Variants in ACTR3B observed in about 807,000 individuals in gnomAD.
ACTR3B encodes actin related protein 3B, also known as actin-related protein 3B.
A neutral mutation model predicts 59.0 loss-of-function variants in ACTR3B; 8 were observed. The observed-to-expected ratio is 0.14, with a 90% CI of 0.08 to 0.24. ACTR3B has a LOEUF of 0.24. Among genes scored for constraint, ACTR3B ranks in the 10% least tolerant of loss-of-function variants. The pLI, the probability that ACTR3B is intolerant of heterozygous loss-of-function variation, is 1.00. For synonymous variants in ACTR3B, 148 were observed against 197.9 expected (o/e 0.75, Z 2.12); for missense variants, 245 against 552.3 (o/e 0.44, Z 5.58).
rs1485902619 is a variant in ACTR3B, at chr7:152,814,252, G to C, written c.337-298G>C. On this transcript the variant is annotated intron_variant, in intron 4 of 11. Transcript: ENST00000256001. The stretch of plus-strand genomic sequence containing the variant: ...TGGCAACTTGCTTCTGGGATATTCA[G>C]TTTCGGGGTGTTTAGGTGTTACGTT... The C allele has an allele frequency of 6.7e-6, 2 of 299,372 alleles. 1 individual carries two copies. The highest frequency in any genetic ancestry group is 1.2e-5 in the Non-Finnish European group (2 of 161,176). The allele number at this position is 299,372 out of a possible 1,614,324, so 18.5% of individuals were successfully genotyped here. A position where few individuals can be genotyped will look rare whatever the true frequency, so the allele number is the denominator to read the frequency against.
intron 1 of ACTR3B, among the ~76,000 whole-genome samples, chr7:152,764,469 TA>T (rs879349991): frequency 8.3e-4 from 118 of 142,860 alleles, no homozygotes; most frequent in Non-Finnish European, 6.9e-4. Flanking sequence ...CCGTCTCTAC[TA>T]AAAAAAAAAA....
At chr7:152,832,759 C>G (rs1797129914) in intron 9 of ACTR3B, among the ~76,000 whole-genome samples, 1 of 152,180 alleles carries the variant, frequency 6.6e-6, no homozygotes, top group African/African-American at 2.4e-5. Flanking sequence ...AGGCTGGAAA[C>G]TCAGGCAGAA....
At chr7:152,802,102 C>T (rs1471014239) in intron 4 of ACTR3B, among the ~76,000 whole-genome samples, 2 of 151,958 alleles carry the variant, frequency 1.3e-5, no homozygotes, top group Non-Finnish European at 2.9e-5. Context: ...ATTTCCCTTG[C>T]ACTTTTTAAG....
At chr7:152,842,844 C>T (rs1157850842) in intron 9 of ACTR3B, among the ~76,000 whole-genome samples, 1 of 152,220 alleles carries the variant, frequency 6.6e-6, no homozygotes, top group Non-Finnish European at 1.5e-5. Context: ...AAAGTACTTA[C>T]AGCATCTACC....
intron 1 of ACTR3B, among the ~76,000 whole-genome samples, chr7:152,782,275 A>G (rs1201777574): frequency 6.7e-5 from 10 of 148,608 alleles, no homozygotes; most frequent in African/African-American, 2.5e-4. Context: ...TTATTACAGA[A>G]TGACGGCTTG....
rs201225817 is a variant in ACTR3B, at chr7:152,853,452, G to A, written c.1078-42G>A. The A allele has an allele frequency of 8.8e-6, 14 of 1,582,546 alleles. No homozygotes were observed. In the African/African-American group the frequency reaches 1.9e-4, roughly 21 times the overall value. ...GCCGGGGGATGATTAGATCACATGT[G>A]TCTGTGGGTGTGGGGTAAGTGAGAG... On this transcript the variant is annotated intron_variant, in intron 10 of 11. Coordinates refer to ENST00000256001, the MANE Select transcript of ACTR3B (RefSeq NM_020445.6).
At chr7:152,848,161 G>C (rs113229914) in intron 9 of ACTR3B, among the ~76,000 whole-genome samples, 57 of 152,352 alleles carry the variant, frequency 3.7e-4, no homozygotes, top group Middle Eastern at 6.8e-3. Flanking sequence ...GGGTGTTACA[G>C]TAAGAAGCAG....
chr7:152,761,820 A>G (rs898793280), intron 1 of ACTR3B, among the ~76,000 whole-genome samples: 38 of 152,198 alleles, frequency 2.5e-4, no homozygotes, highest in African/African-American at 9.2e-4. Flanking sequence ...AATAGGACAA[A>G]AAGTGGTAAA....
intron 2 of ACTR3B, among the ~76,000 whole-genome samples, chr7:152,788,375 C>T (rs1379023587): frequency 3.3e-5 from 5 of 149,684 alleles, no homozygotes; most frequent in African/African-American, 9.9e-5. Context: ...TTATTCATGT[C>T]TCTCGTGTTT....
intron 2 of ACTR3B, among the ~76,000 whole-genome samples, chr7:152,784,342 T>G (rs987514847): frequency 8.5e-5 from 13 of 152,202 alleles, no homozygotes; most frequent in African/African-American, 2.7e-4. Context: ...GGTGCTTGAT[T>G]AGTGCTTATT....
chr7:152,829,038 GTGTGTGTATATATATATATACACACACA>G (rs555569348), intron 9 of ACTR3B, among the ~76,000 whole-genome samples: 3,294 of 150,464 alleles, frequency 0.022, 112 homozygotes, highest in African/African-American at 0.071. Flanking sequence ...AAAATTGTGT[GTGTGTGTATATATATATATACACACACA>G]CACACACATC....
intron 4 of ACTR3B, among the ~76,000 whole-genome samples, chr7:152,805,534 C>G (rs1239712349): frequency 2.0e-5 from 3 of 152,118 alleles, no homozygotes; most frequent in African/African-American, 7.2e-5. Flanking sequence ...CTTGAAATCT[C>G]TAGGTAAAGT....
intron 1 of ACTR3B, among the ~76,000 whole-genome samples, chr7:152,771,412 A>T (rs1351092304): frequency 6.6e-6 from 1 of 152,192 alleles, no homozygotes; most frequent in African/African-American, 2.4e-5. Context: ...TAGAAAACTA[A>T]AATCATTTCA....
chr7:152,842,721 C>CA (rs746423302), intron 9 of ACTR3B, among the ~76,000 whole-genome samples: 3 of 152,190 alleles, frequency 2.0e-5, no homozygotes, highest in Non-Finnish European at 4.4e-5. Context: ...TTAGCTATTA[C>CA]AAAAAACCCT....
chr7:152,815,638 C>G (rs1251745399), intron 5 of ACTR3B, among the ~76,000 whole-genome samples: 6 of 152,186 alleles, frequency 3.9e-5, no homozygotes, highest in African/African-American at 1.4e-4. Flanking sequence ...TGGCCTCTGC[C>G]CACTGGAAGA....
At chr7:152,806,617 C>T (rs1286170906) in intron 4 of ACTR3B, among the ~76,000 whole-genome samples, 1 of 152,136 alleles carries the variant, frequency 6.6e-6, no homozygotes. Flanking sequence ...ATTACTGCAC[C>T]TCCAGCTATC....
intron 2 of ACTR3B, among the ~76,000 whole-genome samples, chr7:152,795,551 G>A (rs1376322038): frequency 6.6e-6 from 1 of 152,220 alleles, no homozygotes; most frequent in Non-Finnish European, 1.5e-5. Flanking sequence ...ATTTGGAAAT[G>A]AGGCATTAAA....
chr7:152,784,032 G>A (rs1260959096), intron 2 of ACTR3B, among the ~76,000 whole-genome samples: 1 of 151,894 alleles, frequency 6.6e-6, no homozygotes, highest in African/African-American at 2.4e-5. Flanking sequence ...GGAGGTTGCA[G>A]TGAGCCGGGA....
rs1176096342 is a variant in ACTR3B, at chr7:152,788,371, A to G, written c.100+5129A>G. Among the ~76,000 whole-genome samples, 4 of 147,246 alleles carry G rather than the reference A, an allele frequency of 2.7e-5. No individual in the cohort carries two copies. The East Asian group carries it at 6.0e-4, about 22-fold the overall frequency. On this transcript the variant is annotated intron_variant, in intron 2 of 11. Transcript: ENST00000256001. ...GGTATATGTGTTTTATTGTTTATTC[A>G]TGTCTCTCGTGTTTTTCAGTAGTGT...
Sources: allele counts gnomAD v4.1 joint callset (sites outside exome capture counted in the v4.1 genomes callset), GRCh38; gene constraint gnomAD v4.1.1; transcripts MANE v1.5; gene names NCBI Gene and HGNC (gene_info 2026-07-23, HGNC 2026-07-21).